The following TLDC2 variants were observed in gnomAD, a reference collection of about 807,000 sequenced individuals.
The protein encoded by TLDC2 is TBC/LysM-associated domain containing 2, also known as TLD domain-containing protein 2.
In TLDC2, 23 loss-of-function variants were observed where a neutral mutation model predicts 27.9. The observed-to-expected ratio is 0.82, with a 90% CI of 0.59 to 1.17. The LOEUF is 1.17. TLDC2 is among the 50% of genes most tolerant of loss of function. The probability of loss-of-function intolerance (pLI) is 0.00; values close to 1 mark genes in which losing one functional copy is unlikely to be tolerated. For missense variants in TLDC2, 286 were observed against 273.4 expected (o/e 1.05, Z -0.32); for synonymous variants, 124 against 107.4 (o/e 1.16, Z -0.96).
chr20:36,893,082 A>T lies in TLDC2; in HGVS notation c.*238A>T, dbSNP rs749714514. 5.0e-6 allele frequency: 8 copies of T among 1,611,832 alleles called. No individual in the cohort carries two copies. Among genetic ancestry groups the T allele is most frequent in the Non-Finnish European group, 6.8e-6 (8 of 1,180,002 alleles). Reference sequence around the variant, plus strand: ...CATCGCCATCCTATTAGGAAGAGAGAGAAAAACAGGCAATAGAGAAAAGCC... The same window carrying T: ...CATCGCCATCCTATTAGGAAGAGAGTGAAAAACAGGCAATAGAGAAAAGCC... On this transcript the variant is annotated 3_prime_UTR_variant, in exon 7 of 7. Coordinates refer to ENST00000217320, the MANE Select transcript of TLDC2 (RefSeq NM_080628.3).
At chr20:36,889,458 T>C in intron 6 of TLDC2, 55 bp downstream of exon 6, 1 of 1,557,444 alleles carries the variant, frequency 6.4e-7, no homozygotes, top group Non-Finnish European at 8.7e-7. Context: ...CAGCAGCCTG[T>C]GCTGTTTGAA....
At chr20:36,876,687 ACACT>A (rs1989675788) in intron 1 of TLDC2, among the ~76,000 whole-genome samples, 1 of 151,822 alleles carries the variant, frequency 6.6e-6, no homozygotes, top group Non-Finnish European at 1.5e-5. Context: ...ACACTCAAAC[ACACT>A]CAAATGCACT....
At position 36,893,837 on chromosome 20, in the gene TLDC2, C is replaced by A; in HGVS notation, c.*993C>A. On this transcript the variant is annotated 3_prime_UTR_variant, in exon 7 of 7. Transcript: ENST00000217320. Reference sequence around the variant, plus strand: ...TTCACTCTTCCTCTCCCTACTCTGTCTCACAGGAGCTACTCCGGTAAATTA... The same window carrying A: ...TTCACTCTTCCTCTCCCTACTCTGTATCACAGGAGCTACTCCGGTAAATTA... 2.5e-6 allele frequency: 1 copy of A among 398,614 alleles called. No individual in the cohort carries two copies. Among genetic ancestry groups the A allele is most frequent in the South Asian group, 1.3e-4 (1 of 7,840 alleles). The allele number at this position is 398,614 out of a possible 1,614,324, so 24.7% of individuals were successfully genotyped here. A position where few individuals can be genotyped will look rare whatever the true frequency, so the allele number is the denominator to read the frequency against.
Position 36,880,690 on chromosome 20 carries a change from C to G in TLDC2, c.378C>G (p.Leu126=). 1.2e-6 allele frequency: 2 copies of G among 1,614,258 alleles called. No individual in the cohort carries two copies. The highest frequency in any genetic ancestry group is 1.7e-6 in the Non-Finnish European group (2 of 1,180,042). The change falls in exon 4 of 7, where the codon CTC becomes CTG. Residue 126 remains leucine, a synonymous_variant. Transcript: ENST00000217320. ...CCTTCTCCTCCTCGGCTATCCGACT[C>G]AGCAAAGGCTTCTATGGTACTGGCG... ...FGAFSSSAIR[L]SKGFYGTGET...
rs534665561 is a variant in TLDC2 at position 36,880,666 on chromosome 20, C to G, written c.354C>G (p.Ala118=). 2.0e-5 allele frequency: 33 copies of G among 1,614,186 alleles called. No individual in the cohort carries two copies. In the South Asian group the frequency reaches 3.6e-4, roughly 18 times the overall value. Residue 118 remains alanine, a synonymous_variant, in exon 4 of 7, where the codon GCC becomes GCG. Transcript: ENST00000217320. The stretch of plus-strand genomic sequence containing the variant: ...CTTCCACTTTCCAGATATTTGGAGC[C>G]TTCTCCTCCTCGGCTATCCGACTCA... ...LRDQDGQIFG[A]FSSSAIRLSK...
intron 2 of TLDC2, among the ~76,000 whole-genome samples, chr20:36,878,309 G>T (rs369207844): frequency 6.6e-6 from 1 of 152,294 alleles, no homozygotes; most frequent in Non-Finnish European, 1.5e-5. Flanking sequence ...GGACGGGCGC[G>T]GTGGCTCACG....
chr20:36,877,235 G>T (rs1989690719), intron 1 of TLDC2, among the ~76,000 whole-genome samples: 1 of 151,982 alleles, frequency 6.6e-6, no homozygotes, highest in Non-Finnish European at 1.5e-5. Flanking sequence ...ACAAAAATTA[G>T]CCAGGCATGG....
intron 4 of TLDC2, among the ~76,000 whole-genome samples, chr20:36,882,473 G>A (rs1343890309): frequency 6.6e-6 from 1 of 152,196 alleles, no homozygotes; most frequent in Non-Finnish European, 1.5e-5. Flanking sequence ...TGGGAGGATT[G>A]CTTGAGCTCA....
At chr20:36,889,435 C>A (rs1990006429) in intron 6 of TLDC2, 32 bp downstream of exon 6, 1 of 1,596,784 alleles carries the variant, frequency 6.3e-7, no homozygotes, top group Non-Finnish European at 8.5e-7. Flanking sequence ...GCCACCCAGG[C>A]CTTCCTGACA....
At chr20:36,883,099 A>G (rs985674124) in intron 4 of TLDC2, among the ~76,000 whole-genome samples, 3 of 149,978 alleles carry the variant, frequency 2.0e-5, no homozygotes, top group Admixed American at 1.3e-4. Context: ...ATATCCAACA[A>G]CTGTCCATCA....
chr20:36,876,420 G>T (rs930827123), intron 1 of TLDC2, among the ~76,000 whole-genome samples: 5 of 152,172 alleles, frequency 3.3e-5, no homozygotes, highest in Non-Finnish European at 7.3e-5. Context: ...GGGACAGACC[G>T]ATGTCTCTGT....
chr20:36,882,246 T>C lies in TLDC2; in HGVS notation c.438+1496T>C, dbSNP rs117540284. ...GCACAGAGCATACTACTTTTACTACTAGTAAAAATGGCCAGGCCAAGCCCT... is the reference window on the plus strand; with the variant it reads ...GCACAGAGCATACTACTTTTACTACCAGTAAAAATGGCCAGGCCAAGCCCT... On this transcript the variant is annotated intron_variant, in intron 4 of 6. Coordinates refer to ENST00000217320, the MANE Select transcript of TLDC2 (RefSeq NM_080628.3). 2.4e-4 allele frequency among the ~76,000 whole-genome samples: 36 copies of C among 152,256 alleles called. 1 individual carries two copies. In the East Asian group the frequency reaches 5.2e-3, roughly 22 times the overall value.
In TLDC2 at chr20:36,879,124, G is replaced by A; in HGVS notation, c.273G>A (p.Gln91=). 2 of 1,614,182 alleles carry A rather than the reference G, an allele frequency of 1.2e-6. No homozygotes were observed. The highest frequency in any genetic ancestry group is 2.2e-5 in the South Asian group (2 of 91,084). The part of the protein sequence containing the change: ...FCTSRDGFSL[Q]SLYRRMEGCS... ...CGTCAAGGGACGGTTTCAGCCTGCA[G>A]AGCCTGTACCGGCGGATGGAGGGCT... The change falls in exon 3 of 7, where the codon CAG becomes CAA. Residue 91 remains glutamine (Q), a synonymous_variant. Coordinates refer to ENST00000217320, the MANE Select transcript of TLDC2 (RefSeq NM_080628.3).
rs564415441 is a variant in TLDC2 at position 36,893,425 on chromosome 20, G to T, written c.*581G>T. The T allele has an allele frequency of 2.8e-6, 1 of 351,372 alleles. No individual in the cohort carries two copies. The highest frequency in any genetic ancestry group is 3.4e-5 in the South Asian group (1 of 29,430). The allele number at this position is 351,372 out of a possible 1,614,324, so 21.8% of individuals were successfully genotyped here. The stretch of plus-strand genomic sequence containing the variant: ...GCACTGAACCCCTAGCTTCTCTCTC[G>T]CCTGGTCCCCTCTGCAATAAAAGGC... On this transcript the variant is annotated 3_prime_UTR_variant, in exon 7 of 7. Transcript: ENST00000217320.
chr20:36,891,191 T>C (rs1227044346), intron 6 of TLDC2: 2 of 152,244 alleles, frequency 1.3e-5, no homozygotes, highest in African/African-American at 4.8e-5. Flanking sequence ...TATTCTCTTA[T>C]GAATTGTAAC....
chr20:36,883,037 C>A (rs1438719418), intron 4 of TLDC2, among the ~76,000 whole-genome samples: 1 of 152,146 alleles, frequency 6.6e-6, no homozygotes, highest in Non-Finnish European at 1.5e-5. Flanking sequence ...TCCCACAGCT[C>A]TCCATGCTGC....
chr20:36,878,873 A>G (rs577930910), intron 2 of TLDC2, among the ~76,000 whole-genome samples, 168 bp from the exon 3 acceptor site: 1 of 152,166 alleles, frequency 6.6e-6, no homozygotes, highest in African/African-American at 2.4e-5. Flanking sequence ...AACAACCCCT[A>G]TCTCCGAGGG....
At chr20:36,880,079 A>ATG (rs1568748435) in intron 3 of TLDC2, among the ~76,000 whole-genome samples, 1,753 of 47,232 alleles carry the variant, frequency 0.037, 66 homozygotes, top group Middle Eastern at 0.15. Context: ...ACATATATAT[A>ATG]TATATATATA....
In TLDC2 at chr20:36,893,318, C is replaced by A; in HGVS notation, c.*474C>A. On this transcript the variant is annotated 3_prime_UTR_variant, in exon 7 of 7. Transcript: ENST00000217320. ...TGCAGAGATGACTGGGAGCAGCATA[C>A]CACTGCCCACCTCTATGGCCTCCTT... 1.8e-6 allele frequency: 1 copy of A among 550,364 alleles called. No homozygotes were observed. 34.1% of individuals were successfully genotyped at this position (550,364 alleles called of 1,614,324 possible).
Sources: gnomAD v4.1 joint callset for allele counts (sites outside exome capture counted in the v4.1 genomes callset) on GRCh38, gnomAD v4.1.1 for gene constraint, MANE v1.5 for transcripts, NCBI Gene and HGNC (gene_info 2026-07-23, HGNC 2026-07-21) for gene names.